The following SYNPR variants were observed in gnomAD, a reference collection of about 807,000 sequenced individuals.
SYNPR encodes the protein synaptoporin.
Under a neutral mutation model 32.9 loss-of-function variants are expected in SYNPR, and 23 were observed. That is an observed-to-expected ratio of 0.70 (90% CI 0.50 to 0.99). SYNPR has a LOEUF of 0.99. Among genes scored for constraint, SYNPR ranks in the 50% least tolerant of loss-of-function variants. The probability of loss-of-function intolerance (pLI) is 0.00; values close to 1 mark genes in which losing one functional copy is unlikely to be tolerated. For synonymous variants in SYNPR, 146 were observed against 135.9 expected (o/e 1.07, Z -0.52); for missense variants, 318 against 349.3 (o/e 0.91, Z 0.71).
chr3:63,408,405 G>A (rs952380715), intron 2 of SYNPR, among the ~76,000 whole-genome samples: 5 of 151,848 alleles, frequency 3.3e-5, no homozygotes, highest in Non-Finnish European at 7.4e-5. Context: ...CTTGTTATGG[G>A]GATGAGCTCA....
At chr3:63,330,259 T>G (rs572067406) in intron 2 of SYNPR, 1 of 152,308 alleles carries the variant, frequency 6.6e-6, no homozygotes, top group East Asian at 1.9e-4. Flanking sequence ...CTGGAATACA[T>G]GACTTCAAGG....
chr3:63,530,837 G>A (rs1434985826), intron 3 of SYNPR, among the ~76,000 whole-genome samples: 4 of 152,178 alleles, frequency 2.6e-5, no homozygotes, highest in Non-Finnish European at 5.9e-5. Flanking sequence ...CATGTAGTCA[G>A]CTAGCTAAAT....
chr3:63,348,289 G>A (rs1017561411), intron 2 of SYNPR, among the ~76,000 whole-genome samples: 3 of 152,084 alleles, frequency 2.0e-5, no homozygotes, highest in Non-Finnish European at 2.9e-5. Context: ...TTGATGTTGA[G>A]CATTTTTTCA....
At chr3:63,613,094 T>G (rs926543637) in intron 5 of SYNPR, among the ~76,000 whole-genome samples, 25 of 151,848 alleles carry the variant, frequency 1.6e-4, no homozygotes, top group Admixed American at 4.6e-4. Context: ...TGCCTCAGCC[T>G]TCCAAGTACC....
At chr3:63,562,121 T>C (rs1702701625) in intron 4 of SYNPR, among the ~76,000 whole-genome samples, 1 of 152,178 alleles carries the variant, frequency 6.6e-6, no homozygotes, top group Non-Finnish European at 1.5e-5. Flanking sequence ...GAAATTGAAA[T>C]GTCATATCAG....
intron 2 of SYNPR, among the ~76,000 whole-genome samples, chr3:63,321,112 T>C (rs2087106848): frequency 6.6e-6 from 1 of 152,086 alleles, no homozygotes; most frequent in Non-Finnish European, 1.5e-5. Flanking sequence ...AATTTTAGTT[T>C]ATACCCCCAA....
At chr3:63,220,810 A>G in the SYNPR span, among the ~76,000 whole-genome samples, 2 of 152,214 alleles carry the variant, frequency 1.3e-5, no homozygotes, top group African/African-American at 4.8e-5. Context: ...ATGTTTTAAT[A>G]AACTCTGGCC....
chr3:63,433,125 C>T (rs1460240894), intron 2 of SYNPR, among the ~76,000 whole-genome samples: 15 of 152,144 alleles, frequency 9.9e-5, no homozygotes, highest in Non-Finnish European at 1.5e-5. Context: ...AGGGTGGAAG[C>T]TTTTTCTGAA....
chr3:63,344,529 A>G (rs1190224486), intron 2 of SYNPR, among the ~76,000 whole-genome samples: 1 of 151,172 alleles, frequency 6.6e-6, no homozygotes, highest in Non-Finnish European at 1.5e-5. Context: ...CCTGTGAGAA[A>G]CAGGTGCATA....
chr3:63,396,652 C>A (rs779369392), intron 2 of SYNPR, among the ~76,000 whole-genome samples: 6 of 152,098 alleles, frequency 3.9e-5, no homozygotes, highest in Non-Finnish European at 8.8e-5. Flanking sequence ...AGCTCAGGGA[C>A]CATCAATACT....
intron 3 of SYNPR, among the ~76,000 whole-genome samples, chr3:63,491,066 C>T (rs1701249557): frequency 2.0e-5 from 3 of 152,058 alleles, no homozygotes; most frequent in South Asian, 2.1e-4. Flanking sequence ...TTTCCATCAC[C>T]GTGTCAGCAG....
At chr3:63,228,575 C>G (rs752247487) in intron 1 of SYNPR, among the ~76,000 whole-genome samples, 17 of 151,922 alleles carry the variant, frequency 1.1e-4, no homozygotes, top group African/African-American at 2.4e-5. Flanking sequence ...TACCTTTCTC[C>G]TTAGCTGTAT....
At position 63,386,150 on chromosome 3, in the gene SYNPR, G is replaced by T. The variant is rs566033733; in HGVS notation, c.85-94682G>T. On this transcript the variant is annotated intron_variant, in intron 2 of 5. Coordinates refer to ENST00000478300, the MANE Select transcript of SYNPR (RefSeq NM_001130003.2). Reference sequence around the variant, plus strand: ...GCTAACTACAAATGAGGGTCCATGGGCGTCAGCATCACACCCTCCTCACAA... The same window carrying T: ...GCTAACTACAAATGAGGGTCCATGGTCGTCAGCATCACACCCTCCTCACAA... Among the ~76,000 whole-genome samples the T allele has an allele frequency of 5.3e-5, 8 of 152,238 alleles. No homozygotes were observed. In the South Asian group the frequency reaches 1.5e-3, roughly 28 times the overall value.
At chr3:63,606,307 C>A (rs1416363489) in intron 4 of SYNPR, among the ~76,000 whole-genome samples, 1 of 151,652 alleles carries the variant, frequency 6.6e-6, no homozygotes, top group Non-Finnish European at 1.5e-5. Flanking sequence ...TCTTAAAATA[C>A]CATGTTTATT....
At chr3:63,442,253 AG>A (rs1700193778) in intron 2 of SYNPR, among the ~76,000 whole-genome samples, 1 of 93,094 alleles carries the variant, frequency 1.1e-5, no homozygotes, top group African/African-American at 4.0e-5. Flanking sequence ...AAGGAAAGCG[AG>A]AGAGAGAGAG....
chr3:63,553,105 A>G (rs1011573698), intron 3 of SYNPR, among the ~76,000 whole-genome samples: 1 of 152,098 alleles, frequency 6.6e-6, no homozygotes, highest in African/African-American at 2.4e-5. Flanking sequence ...TCCCTACTCT[A>G]GTACTCCACA....
In SYNPR at chr3:63,508,450, G is replaced by C. The variant is rs72887332; in HGVS notation, c.209+27494G>C. On this transcript the variant is annotated intron_variant, in intron 3 of 5. Transcript: ENST00000478300. ...GACTCAGATGTCAGGTGACTCAGGTGATGTAAGGTGACTCTGGTGATGTAA... is the reference window on the plus strand; with the variant it reads ...GACTCAGATGTCAGGTGACTCAGGTCATGTAAGGTGACTCTGGTGATGTAA... Among the ~76,000 whole-genome samples, 217 of 152,290 alleles carry C rather than the reference G, an allele frequency of 1.4e-3. 1 individual carries two copies. Among genetic ancestry groups the C allele is most frequent in the African/African-American group, 5.1e-3 (213 of 41,552 alleles).
At chr3:63,358,551 A>G (rs1247813698) in intron 2 of SYNPR, among the ~76,000 whole-genome samples, 1 of 152,198 alleles carries the variant, frequency 6.6e-6, no homozygotes, top group Non-Finnish European at 1.5e-5. Context: ...GTAAGGTAAC[A>G]GGTTCACAGC....
At chr3:63,303,183 A>C (rs1225883274) in intron 2 of SYNPR, among the ~76,000 whole-genome samples, 1 of 136,536 alleles carries the variant, frequency 7.3e-6, no homozygotes, top group African/African-American at 2.9e-5. Flanking sequence ...AACTCAGGGT[A>C]AAAAAAAAAA....
Sources: allele counts gnomAD v4.1 joint callset (sites outside exome capture counted in the v4.1 genomes callset), GRCh38; gene constraint gnomAD v4.1.1; transcripts MANE v1.5; gene names NCBI Gene and HGNC (gene_info 2026-07-23, HGNC 2026-07-21).